The following ABCA6 variants were observed in gnomAD, a reference collection of about 807,000 sequenced individuals.
ABCA6 encodes ATP binding cassette subfamily A member 6, also known as ATP-binding cassette sub-family A member 6.
In ABCA6, 164 loss-of-function variants were observed where a neutral mutation model predicts 191.2. The ratio of observed to expected loss-of-function variants is 0.86; its 90% CI spans 0.76 to 0.98. The LOEUF (loss-of-function observed/expected upper bound fraction) is 0.98. Ranked by LOEUF, ABCA6 falls within the 50% of genes least tolerant of loss-of-function variation. ABCA6 has a pLI of 0.00. For missense variants in ABCA6, 1,958 were observed against 1,894.1 expected (o/e 1.03, Z -0.63); for synonymous variants, 636 against 647.7 (o/e 0.98, Z 0.27).
At chr17:69,105,678 T>A in intron 19 of ABCA6, 50 bp from the exon 20 acceptor site, 1 of 1,302,044 alleles carries the variant, frequency 7.7e-7, no homozygotes, top group African/African-American at 1.5e-5. Flanking sequence ...ATTTTATTTA[T>A]TTAGTAAGAC....
At chr17:69,119,032 A>G (rs1259139873) in intron 10 of ABCA6, among the ~76,000 whole-genome samples, 1 of 152,102 alleles carries the variant, frequency 6.6e-6, no homozygotes, top group Non-Finnish European at 1.5e-5. Flanking sequence ...TGCAAACAAC[A>G]TCTGAGATTC....
intron 29 of ABCA6, 58 bp downstream of exon 29, chr17:69,087,295 G>C (rs1366875091): frequency 6.3e-7 from 1 of 1,591,240 alleles, no homozygotes; most frequent in Non-Finnish European, 8.5e-7. Context: ...ATCAAATCCT[G>C]CTCTTGACAG....
intron 25 of ABCA6, chr17:69,094,874 G>A (rs1390583641): frequency 6.6e-6 from 1 of 152,494 alleles, no homozygotes. Context: ...ACTTAGGACT[G>A]AAGGACAAGC....
At chr17:69,091,839 C>T (rs1264214470) in intron 25 of ABCA6, among the ~76,000 whole-genome samples, 2 of 151,976 alleles carry the variant, frequency 1.3e-5, no homozygotes, top group Admixed American at 1.3e-4. Flanking sequence ...GACTTCTTGA[C>T]GTGTATTATT....
Position 69,102,775 on chromosome 17 carries a change from T to C in ABCA6, c.2874+60A>G. 3 of 1,496,590 alleles carry C rather than the reference T, an allele frequency of 2.0e-6. No individual in the cohort carries two copies. In the South Asian group the frequency reaches 4.0e-5, roughly 20 times the overall value. 92.7% of individuals were successfully genotyped at this position (1,496,590 alleles called of 1,614,324 possible). A position where few individuals can be genotyped will look rare whatever the true frequency, so the allele number is the denominator to read the frequency against. On this transcript the variant is annotated intron_variant, in intron 21 of 38. Transcript: ENST00000284425. ...ATACTAGCTTTAATTTCTGCAGTTT[T>C]AAAACAGCTAAAATGTAGTACTTTT...
Position 69,135,940 on chromosome 17 carries a change from C to T in ABCA6, c.460+152G>A, listed in dbSNP as rs922411032. On this transcript the variant is annotated intron_variant, in intron 4 of 38. Coordinates refer to ENST00000284425, the MANE Select transcript of ABCA6 (RefSeq NM_080284.3). ...TTTTGCAGTCATCCTGTAGTAGGAA[C>T]ATACGATTGACCTTGAAATAAGTTC... 60 of 738,096 alleles carry T rather than the reference C, an allele frequency of 8.1e-5. 1 individual carries two copies. The highest frequency in any genetic ancestry group is 7.1e-4 in the Middle Eastern group (3 of 4,210). The allele number at this position is 738,096 out of a possible 1,614,324, so 45.7% of individuals were successfully genotyped here. A position where few individuals can be genotyped will look rare whatever the true frequency, so the allele number is the denominator to read the frequency against.
chr17:69,095,293 G>A lies in ABCA6; in HGVS notation c.3408+947C>T, dbSNP rs541731637. On this transcript the variant is annotated intron_variant, in intron 25 of 38. Transcript: ENST00000284425. ...GCTGCCTCAAAGCCAGTTTTTCCGA[G>A]TAAGGTGAGCCTAATGTTCTTTCTG... 2.5e-3 allele frequency: 466 copies of A among 185,400 alleles called. 1 individual carries two copies. Among genetic ancestry groups the A allele is most frequent in the Non-Finnish European group, 3.0e-3 (259 of 85,102 alleles). The allele number at this position is 185,400 out of a possible 1,614,324, so 11.5% of individuals were successfully genotyped here. A position where few individuals can be genotyped will look rare whatever the true frequency, so the allele number is the denominator to read the frequency against.
intron 32 of ABCA6, 76 bp from the exon 33 acceptor site, chr17:69,084,583 C>T: frequency 8.0e-7 from 1 of 1,255,150 alleles, no homozygotes; most frequent in Middle Eastern, 1.9e-4. Context: ...ACAGTAACAG[C>T]ATTAGAGGGA....
At chr17:69,081,844 A>C (rs1445451667) in intron 36 of ABCA6, among the ~76,000 whole-genome samples, 1 of 152,204 alleles carries the variant, frequency 6.6e-6, no homozygotes, top group Non-Finnish European at 1.5e-5. Context: ...GGAGAGTTGG[A>C]GATTGCAGTA....
chr17:69,078,969 G>C lies in ABCA6; in HGVS notation c.*4C>G. ...ATCAACAAAAAATTACTAGGTTTGA[G>C]GTTTTAAGGTTCATCTGAATGAGGG... On this transcript the variant is annotated 3_prime_UTR_variant, in exon 39 of 39. Coordinates refer to ENST00000284425, the MANE Select transcript of ABCA6 (RefSeq NM_080284.3). 6.3e-7 allele frequency: 1 copy of C among 1,592,568 alleles called. No individual in the cohort carries two copies. The highest frequency in any genetic ancestry group is 8.6e-7 in the Non-Finnish European group (1 of 1,168,740).
chr17:69,080,974 T>TA, intron 37 of ABCA6, 92 bp downstream of exon 37: 1 of 788,740 alleles, frequency 1.3e-6, no homozygotes, highest in Admixed American at 2.6e-5. Context: ...AGCCCTATTT[T>TA]AAAAAATTGT....
At position 69,081,149 on chromosome 17, in the gene ABCA6, A is replaced by C. The variant is rs1038919332; in HGVS notation, c.4617-4T>G. On this transcript the variant is annotated splice_region_variant and splice_polypyrimidine_tract_variant and intron_variant, in intron 36 of 38. Transcript: ENST00000284425. ...ATAGGTTAACAAAGAGGAATACCTG[A>C]AAACAGGAAGATGTCGTTTTCAGCT... The C allele has an allele frequency of 1.3e-6, 2 of 1,571,952 alleles. No homozygotes were observed. The highest frequency in any genetic ancestry group is 1.4e-5 in the African/African-American group (1 of 73,992).
intron 24 of ABCA6, 40 bp from the exon 25 acceptor site, chr17:69,096,393 A>G (rs374574083): frequency 8.6e-7 from 1 of 1,159,278 alleles, no homozygotes; most frequent in Admixed American, 2.9e-5. Flanking sequence ...AAAAAATCAA[A>G]TATTACTGAG....
At chr17:69,115,537 G>T in intron 11 of ABCA6, 51 bp from the exon 12 acceptor site, 1 of 1,376,902 alleles carries the variant, frequency 7.3e-7, no homozygotes, top group Non-Finnish European at 1.0e-6. Flanking sequence ...AAACAGAAAG[G>T]CATTAGACAG....
intron 10 of ABCA6, among the ~76,000 whole-genome samples, chr17:69,121,051 A>T (rs2073631831): frequency 6.6e-6 from 1 of 152,076 alleles, no homozygotes; most frequent in South Asian, 2.1e-4. Context: ...GCATTTCTAT[A>T]TAAAGAGGAA....
At chr17:69,120,437 T>A (rs767028457) in intron 10 of ABCA6, among the ~76,000 whole-genome samples, 1 of 152,048 alleles carries the variant, frequency 6.6e-6, no homozygotes, top group Non-Finnish European at 1.5e-5. Context: ...AATATCTCTA[T>A]CCCTACATTT....
At chr17:69,121,314 C>T (rs969663945) in intron 10 of ABCA6, among the ~76,000 whole-genome samples, 4 of 152,076 alleles carry the variant, frequency 2.6e-5, no homozygotes, top group African/African-American at 7.2e-5. Context: ...TGCCTTGCAG[C>T]CCCAGACCTG....
chr17:69,085,051 C>G lies in ABCA6; in HGVS notation c.4161G>C (p.Ala1387=), dbSNP rs760791622. 6.2e-7 allele frequency: 1 copy of G among 1,611,038 alleles called. No homozygotes were observed. Among genetic ancestry groups the G allele is most frequent in the Admixed American group, 1.7e-5 (1 of 58,776 alleles). The change falls in exon 32 of 39, where the codon GCG becomes GCC. Residue 1387 remains alanine, a synonymous_variant. Transcript: ENST00000284425. ...VYAAVKGLRK[A]DARLAIARLV... ...ACCTTGCGATGGCGAGCCTCGCGTC[C>G]GCTTTCCTGAGCCCCTTGACGGCAG... is the stretch of plus-strand genomic sequence containing the variant.
At chr17:69,079,286 G>A in intron 37 of ABCA6, 21 bp from the exon 38 acceptor site, 1 of 1,570,008 alleles carries the variant, frequency 6.4e-7, no homozygotes, top group Non-Finnish European at 8.6e-7. Context: ...AAAAAGACTA[G>A]TATTAATAGT....
Sources: gnomAD v4.1 joint callset for allele counts (sites outside exome capture counted in the v4.1 genomes callset) on GRCh38, gnomAD v4.1.1 for gene constraint, MANE v1.5 for transcripts, NCBI Gene and HGNC (gene_info 2026-07-23, HGNC 2026-07-21) for gene names.